FOXK2: variants seen among roughly 807,000 people sequenced by gnomAD.
FOXK2 encodes forkhead box K2, also known as forkhead box protein K2.
A neutral mutation model predicts 53.3 loss-of-function variants in FOXK2; 24 were observed. The ratio of observed to expected loss-of-function variants is 0.45; its 90% CI spans 0.33 to 0.63. The LOEUF is 0.63. FOXK2 is among the 30% of genes least tolerant of loss of function. The probability of loss-of-function intolerance (pLI) is 0.03; values close to 1 mark genes in which losing one functional copy is unlikely to be tolerated. For synonymous variants in FOXK2, 505 were observed against 407.1 expected (o/e 1.24, Z -2.89); for missense variants, 952 against 910.5 (o/e 1.05, Z -0.59).
rs370580734 is a variant in FOXK2 at position 82,594,196 on chromosome 17, C to T, written c.1786+6924C>T. Among the ~76,000 whole-genome samples the T allele has an allele frequency of 2.2e-3, 342 of 152,256 alleles. 4 individuals carry two copies. The highest frequency in any genetic ancestry group is 8.3e-4 in the South Asian group (4 of 4,804). Reference sequence around the variant, plus strand: ...GGTTGCCTGTGGAGTAAAAGTTGGCCGCTAAGAAATGCTCTAGACAGGCCG... The same window carrying T: ...GGTTGCCTGTGGAGTAAAAGTTGGCTGCTAAGAAATGCTCTAGACAGGCCG... On this transcript the variant is annotated intron_variant, in intron 8 of 8. Coordinates refer to ENST00000335255, the MANE Select transcript of FOXK2 (RefSeq NM_004514.4).
Position 82,586,279 on chromosome 17 carries a change from A to G in FOXK2, c.1576+79A>G, listed in dbSNP as rs1351583283. 988 of 356,054 alleles carry G rather than the reference A, an allele frequency of 2.8e-3. 36 individuals carry two copies. Among genetic ancestry groups the G allele is most frequent in the Non-Finnish European group, 3.2e-3 (658 of 205,242 alleles). 22.1% of individuals were successfully genotyped at this position (356,054 alleles called of 1,614,324 possible). ...CCGGGGGGGGAAAGGAGGAGAGGGG[A>G]GACCACAGGGAGGTCAAAGGTGGGC... On this transcript the variant is annotated intron_variant, in intron 7 of 8. Transcript: ENST00000335255.
intron 2 of FOXK2, among the ~76,000 whole-genome samples, chr17:82,563,914 C>T (rs1228603036): frequency 6.7e-6 from 1 of 149,198 alleles, no homozygotes; most frequent in East Asian, 2.0e-4. Flanking sequence ...ACCACGCCCA[C>T]CTAATTTTTG....
intron 3 of FOXK2, among the ~76,000 whole-genome samples, chr17:82,570,182 A>G (rs1004321339): frequency 3.3e-5 from 5 of 151,448 alleles, no homozygotes; most frequent in Non-Finnish European, 7.4e-5. Context: ...AAATCGCGCC[A>G]CTGCACTCCA....
intron 4 of FOXK2, among the ~76,000 whole-genome samples, 178 bp from the exon 5 acceptor site, chr17:82,582,563 A>C (rs1377460807): frequency 6.6e-6 from 1 of 152,178 alleles, no homozygotes; most frequent in East Asian, 1.9e-4. Flanking sequence ...GGCCTTCCTT[A>C]AATCTTGTTA....
In FOXK2 at chr17:82,586,142, C is replaced by G; in HGVS notation, c.1518C>G (p.Ala506=). 3 of 1,612,330 alleles carry G rather than the reference C, an allele frequency of 1.9e-6. No homozygotes were observed. Among genetic ancestry groups the G allele is most frequent in the Non-Finnish European group, 2.5e-6 (3 of 1,179,858 alleles). Residue 506 remains alanine (A), a synonymous_variant, in exon 7 of 9, where the codon GCC becomes GCG. Transcript: ENST00000335255. The part of the protein sequence containing the change: ...VSGQAVVTPA[A]VLAPPKAEAQ... ...GACAAGCTGTGGTCACCCCGGCAGC[C>G]GTGCTGGCCCCTCCTAAGGCAGAGG...
At chr17:82,568,697 G>C (rs529039559) in intron 3 of FOXK2, among the ~76,000 whole-genome samples, 2 of 152,338 alleles carry the variant, frequency 1.3e-5, no homozygotes, top group Non-Finnish European at 2.9e-5. Flanking sequence ...CAAAGGAAAT[G>C]GATGAAAGTT....
chr17:82,530,908 T>C (rs1405010575), intron 1 of FOXK2, among the ~76,000 whole-genome samples: 1 of 152,200 alleles, frequency 6.6e-6, no homozygotes, highest in African/African-American at 2.4e-5. Context: ...AAAAATTCTG[T>C]GTTTTTGCCA....
intron 4 of FOXK2, chr17:82,576,783 GC>G: frequency 1.6e-6 from 1 of 619,124 alleles, no homozygotes; most frequent in East Asian, 2.9e-5. Flanking sequence ...TTTTTATGGT[GC>G]TGTAATGTGG....
chr17:82,528,542 C>G (rs1278101004), intron 1 of FOXK2, among the ~76,000 whole-genome samples: 2 of 152,132 alleles, frequency 1.3e-5, no homozygotes, highest in Non-Finnish European at 2.9e-5. Flanking sequence ...GAATTTGCTG[C>G]TAAAATGCAG....
At chr17:82,561,195 TC>T (rs1419747315) in intron 1 of FOXK2, among the ~76,000 whole-genome samples, 1 of 152,176 alleles carries the variant, frequency 6.6e-6, no homozygotes, top group African/African-American at 2.4e-5. Context: ...GTGGATGGAC[TC>T]CTGTATTCTG....
intron 1 of FOXK2, among the ~76,000 whole-genome samples, chr17:82,531,987 C>T (rs1244254554): frequency 1.3e-5 from 2 of 152,030 alleles, no homozygotes; most frequent in South Asian, 2.1e-4. Flanking sequence ...ATTACAGGCT[C>T]ACGCCGCCAC....
At chr17:82,546,316 C>T (rs913927356) in intron 1 of FOXK2, among the ~76,000 whole-genome samples, 5 of 151,980 alleles carry the variant, frequency 3.3e-5, no homozygotes, top group Non-Finnish European at 7.4e-5. Context: ...GGGATTTCGC[C>T]GTGTTGGCCA....
chr17:82,533,015 C>T (rs2044486814), intron 1 of FOXK2, among the ~76,000 whole-genome samples: 1 of 152,164 alleles, frequency 6.6e-6, no homozygotes, highest in South Asian at 2.1e-4. Context: ...AGCAGTATCA[C>T]TGTCTTCTAC....
chr17:82,541,372 A>G (rs757963476), intron 1 of FOXK2, among the ~76,000 whole-genome samples: 35 of 151,688 alleles, frequency 2.3e-4, no homozygotes, highest in Admixed American at 7.2e-4. Context: ...TCCTGGGTTC[A>G]AGTGATTCTC....
intron 1 of FOXK2, among the ~76,000 whole-genome samples, chr17:82,525,172 T>C (rs2044404547): frequency 6.6e-6 from 1 of 151,886 alleles, no homozygotes; most frequent in African/African-American, 2.4e-5. Flanking sequence ...TTTATTTATC[T>C]ATTAATCTAT....
At chr17:82,557,641 G>A (rs1599897291) in intron 1 of FOXK2, among the ~76,000 whole-genome samples, 2 of 151,888 alleles carry the variant, frequency 1.3e-5, no homozygotes, top group Non-Finnish European at 2.9e-5. Context: ...CACTGTGTCC[G>A]GCCTCTGCCT....
intron 4 of FOXK2, chr17:82,576,820 A>C (rs1476244198): frequency 2.8e-5 from 16 of 570,838 alleles, no homozygotes; most frequent in Admixed American, 1.7e-4. Context: ...TGTTGAATCC[A>C]GAAATCCGCT....
intron 1 of FOXK2, among the ~76,000 whole-genome samples, chr17:82,539,444 C>T (rs1166913046): frequency 1.3e-5 from 2 of 151,854 alleles, no homozygotes; most frequent in African/African-American, 4.8e-5. Flanking sequence ...GACAGGAGTT[C>T]GAGACCAGCC....
chr17:82,587,481 A>G (rs1160298658), intron 8 of FOXK2: 4 of 590,614 alleles, frequency 6.8e-6, no homozygotes, highest in South Asian at 3.9e-5. Flanking sequence ...CTGCCTGAAA[A>G]GAGATGAGAG....
Sources: gnomAD v4.1 joint callset for allele counts (sites outside exome capture counted in the v4.1 genomes callset) on GRCh38, gnomAD v4.1.1 for gene constraint, MANE v1.5 for transcripts, NCBI Gene and HGNC (gene_info 2026-07-23, HGNC 2026-07-21) for gene names.